Variants in FGF13 observed in about 807,000 individuals in gnomAD.
The protein encoded by FGF13 is fibroblast growth factor homologous factor 2.
Under a neutral mutation model 19.5 loss-of-function variants are expected in FGF13, and 2 were observed. The ratio of observed to expected loss-of-function variants is 0.10; its 90% confidence interval spans 0.04 to 0.32. The LOEUF is 0.32. Ranked by LOEUF, FGF13 falls within the 10% of genes least tolerant of loss-of-function variation. The pLI is 1.00. For missense variants in FGF13, 113 were observed against 192.7 expected (o/e 0.59, Z 2.45); for synonymous variants, 72 against 76.9 (o/e 0.94, Z 0.33).
At chrX:138,903,007 G>GA (rs750782007) in intron 1 of FGF13, among the ~76,000 whole-genome samples, 18 of 108,701 alleles carry the variant, frequency 1.7e-4, no homozygotes, top group East Asian at 2.9e-4. Flanking sequence ...AATTAAAAAT[G>GA]AAAAAAAAAT....
chrX:138,967,745 T>G (rs1421644933), intron 1 of FGF13, among the ~76,000 whole-genome samples: 1 of 111,399 alleles, frequency 9.0e-6, no homozygotes, highest in Non-Finnish European at 1.9e-5. Context: ...CAAAATACAG[T>G]AAACAGAATA....
intron 1 of FGF13, among the ~76,000 whole-genome samples, chrX:139,028,664 AAAG>A (rs1569443962): frequency 0.013 from 719 of 54,008 alleles, 13 homozygotes; most frequent in African/African-American, 0.055. Flanking sequence ...AGAGAGAGAG[AAAG>A]AGAGAGTGTG....
intron 3 of FGF13, among the ~76,000 whole-genome samples, chrX:138,665,495 T>C (rs139320693): frequency 1.1e-3 from 120 of 111,698 alleles, no homozygotes; most frequent in African/African-American, 3.3e-3. Context: ...TGTAAACACT[T>C]AGAATATGTG....
At chrX:139,046,039 G>T (rs1234513802) in intron 1 of FGF13, among the ~76,000 whole-genome samples, 1 of 111,715 alleles carries the variant, frequency 9.0e-6, no homozygotes, top group Non-Finnish European at 1.9e-5. Flanking sequence ...TTGCTATAAA[G>T]AAATACCTGA....
intron 1 of FGF13, among the ~76,000 whole-genome samples, chrX:138,989,414 A>G (rs2124345151): frequency 8.9e-6 from 1 of 111,864 alleles, no homozygotes; most frequent in Non-Finnish European, 1.9e-5. Flanking sequence ...TTCATTTAGA[A>G]GGGATCCAGC....
intron 3 of FGF13, among the ~76,000 whole-genome samples, chrX:138,781,012 G>T (rs1406493318): frequency 1.8e-5 from 2 of 110,976 alleles, no homozygotes; most frequent in Non-Finnish European, 3.8e-5. Context: ...ATTAATAATC[G>T]CACTCAAAAC....
intron 3 of FGF13, among the ~76,000 whole-genome samples, chrX:138,807,689 C>G (rs1320046611): frequency 3.6e-5 from 4 of 111,488 alleles, no homozygotes; most frequent in African/African-American, 1.3e-4. Flanking sequence ...GTGCTGTATT[C>G]AGGAGACCCA....
intron 3 of FGF13, among the ~76,000 whole-genome samples, chrX:138,850,547 T>G (rs761907930): frequency 1.3e-4 from 15 of 112,328 alleles, no homozygotes; most frequent in Non-Finnish European, 2.8e-4. Context: ...CTTGTGACTC[T>G]GCAATTAAGC....
intron 3 of FGF13, among the ~76,000 whole-genome samples, chrX:138,810,157 C>T (rs2090910008): frequency 8.9e-6 from 1 of 111,855 alleles, no homozygotes; most frequent in South Asian, 3.7e-4. Context: ...GCCAAAAGAA[C>T]AAAGCTGGAG....
chrX:138,670,309 A>C (rs2124170087), intron 3 of FGF13, among the ~76,000 whole-genome samples: 1 of 112,129 alleles, frequency 8.9e-6, no homozygotes, highest in South Asian at 3.7e-4. Flanking sequence ...CTTTATACGT[A>C]TAGAACAAAA....
chrX:138,926,875 G>A (rs1282555016), intron 1 of FGF13, among the ~76,000 whole-genome samples: 2 of 111,518 alleles, frequency 1.8e-5, no homozygotes, highest in African/African-American at 6.5e-5. Flanking sequence ...AGAATTGCTT[G>A]AATCCGGGAG....
At chrX:139,046,927 G>A (rs1419034750) in intron 1 of FGF13, among the ~76,000 whole-genome samples, 1 of 111,778 alleles carries the variant, frequency 8.9e-6, no homozygotes, top group African/African-American at 3.3e-5. Flanking sequence ...AAGCCAGGCT[G>A]AGTATCTGCT....
rs774494687 is a variant in FGF13 at position 138,778,912 on chromosome X, T to A, written c.218-69984A>T. Among the ~76,000 whole-genome samples the A allele has an allele frequency of 1.3e-4, 15 of 112,299 alleles. No homozygotes were observed. The Admixed American group carries it at 1.4e-3, about 10-fold the overall frequency. The stretch of plus-strand genomic sequence containing the variant: ...GCAGTAACCTCTGCAGACTTAAATG[T>A]CCCTGTCTGACAGCTTTGAAGAGAG... On this transcript the variant is annotated intron_variant, in intron 3 of 6. Coordinates refer to the FGF13 transcript ENST00000436198.
chrX:138,845,004 C>T (rs2091171959), intron 3 of FGF13, among the ~76,000 whole-genome samples: 1 of 111,345 alleles, frequency 9.0e-6, no homozygotes, highest in African/African-American at 3.3e-5. Flanking sequence ...CCTGTACAAA[C>T]TCATCATAGA....
At chrX:139,050,698 G>T (rs1055107933) in intron 1 of FGF13, among the ~76,000 whole-genome samples, 1 of 111,466 alleles carries the variant, frequency 9.0e-6, no homozygotes, top group African/African-American at 3.3e-5. Context: ...ATAGATGTTG[G>T]GTGTATTCTG....
chrX:139,166,345 A>G (rs2084085358), intron 1 of FGF13, among the ~76,000 whole-genome samples: 1 of 111,364 alleles, frequency 9.0e-6, no homozygotes, highest in Non-Finnish European at 1.9e-5. Context: ...CCATGTGAAG[A>G]AGGACGTATT....
intron 3 of FGF13, among the ~76,000 whole-genome samples, chrX:138,819,589 C>T (rs1010280717): frequency 9.0e-6 from 1 of 111,335 alleles, no homozygotes; most frequent in Non-Finnish European, 1.9e-5. Flanking sequence ...CCCAGGTTTG[C>T]TTTCAGAATT....
chrX:139,031,628 G>T (rs1359461387), intron 1 of FGF13, among the ~76,000 whole-genome samples: 1 of 109,384 alleles, frequency 9.1e-6, no homozygotes, highest in Admixed American at 9.8e-5. Flanking sequence ...TATGTTCTGG[G>T]TTGATGCAAA....
chrX:139,064,281 CTTTTTTTTTTTTTTTTT>C (rs139084376), intron 1 of FGF13, among the ~76,000 whole-genome samples: 1 of 23,159 alleles, frequency 4.3e-5, no homozygotes, highest in East Asian at 1.3e-3. Flanking sequence ...CTTTTTTTTT[CTTTTTTTTTTTTTTTTT>C]TTTTTTTTTT....
Sources: allele counts gnomAD v4.1 joint callset (sites outside exome capture counted in the v4.1 genomes callset), GRCh38; gene constraint gnomAD v4.1.1; transcripts MANE v1.5; gene names NCBI Gene and HGNC (gene_info 2026-07-23, HGNC 2026-07-21).